The following UNC13C variants were observed in gnomAD, a reference collection of about 807,000 sequenced individuals.
UNC13C encodes unc-13 homolog C.
UNC13C carries 174 observed loss-of-function variants against 245.4 expected under a neutral mutation model. That is an observed-to-expected ratio of 0.71 (90% CI 0.63 to 0.80). The LOEUF (loss-of-function observed/expected upper bound fraction) is 0.80, where lower values mean the gene tolerates loss of function less well. UNC13C is among the 30% of genes least tolerant of loss of function. UNC13C has a pLI of 0.00. For missense variants in UNC13C, 2,829 were observed against 2,602.9 expected, an observed-to-expected ratio of 1.09 and a Z score of -1.89; for synonymous variants, 992 against 895.1, an observed-to-expected ratio of 1.11 and a Z score of -1.93.
intron 15 of UNC13C, among the ~76,000 whole-genome samples, chr15:54,332,313 G>GTGTGTGTA (rs2038460069): frequency 6.7e-6 from 1 of 149,782 alleles, no homozygotes; most frequent in African/African-American, 2.5e-5. Context: ...CTCTGTGTGT[G>GTGTGTGTA]TGTGTGTGTG....
chr15:54,378,347 G>T (rs1367184662), intron 17 of UNC13C, among the ~76,000 whole-genome samples: 1 of 152,046 alleles, frequency 6.6e-6, no homozygotes, highest in Non-Finnish European at 1.5e-5. Flanking sequence ...ATAAATGCTA[G>T]CCAGATATGA....
intron 2 of UNC13C, among the ~76,000 whole-genome samples, chr15:54,056,963 C>T (rs1236808219): frequency 6.6e-6 from 1 of 152,148 alleles, no homozygotes; most frequent in Non-Finnish European, 1.5e-5. Context: ...GAAGGAAGCA[C>T]TAAATATAGA....
chr15:54,112,267 T>C (rs944242639), intron 2 of UNC13C, among the ~76,000 whole-genome samples: 1 of 152,124 alleles, frequency 6.6e-6, no homozygotes, highest in Non-Finnish European at 1.5e-5. Context: ...AGGTTTAATA[T>C]GCAAAGAAAG....
chr15:54,363,951 A>G (rs2039296780), intron 17 of UNC13C, among the ~76,000 whole-genome samples: 1 of 152,216 alleles, frequency 6.6e-6, no homozygotes, highest in African/African-American at 2.4e-5. Flanking sequence ...AAAAAGCCCA[A>G]CAAGTGTCAT....
chr15:54,113,676 A>T (rs982890520), intron 2 of UNC13C, among the ~76,000 whole-genome samples: 1 of 152,030 alleles, frequency 6.6e-6, no homozygotes, highest in Non-Finnish European at 1.5e-5. Context: ...AATACGAAAA[A>T]TTAGCTGGGC....
intron 8 of UNC13C, among the ~76,000 whole-genome samples, chr15:54,250,852 G>T (rs1235166729): frequency 6.8e-6 from 1 of 146,314 alleles, no homozygotes; most frequent in East Asian, 2.1e-4. Flanking sequence ...TGCCTCCTGG[G>T]TTCACGCCAT....
intron 4 of UNC13C, among the ~76,000 whole-genome samples, chr15:54,202,203 A>G (rs899988293): frequency 6.6e-6 from 1 of 152,088 alleles, no homozygotes; most frequent in Non-Finnish European, 1.5e-5. Flanking sequence ...TCTCATGCTC[A>G]TAGATGGATA....
At chr15:54,135,335 C>T (rs2031674604) in intron 2 of UNC13C, among the ~76,000 whole-genome samples, 1 of 152,078 alleles carries the variant, frequency 6.6e-6, no homozygotes, top group Admixed American at 6.6e-5. Flanking sequence ...ATTTTGTTGC[C>T]TGCATTTCCA....
At chr15:54,051,423 T>C (rs1294060315) in intron 2 of UNC13C, among the ~76,000 whole-genome samples, 1 of 152,028 alleles carries the variant, frequency 6.6e-6, no homozygotes, top group Non-Finnish European at 1.5e-5. Flanking sequence ...AAACTTCTAT[T>C]TGTATTTGGG....
chr15:54,056,706 G>A (rs968903311), intron 2 of UNC13C, among the ~76,000 whole-genome samples: 3 of 152,172 alleles, frequency 2.0e-5, no homozygotes, highest in Non-Finnish European at 4.4e-5. Flanking sequence ...AGGGCAGCCA[G>A]AGAGAAAGGT....
At chr15:54,258,257 T>C (rs1386937375) in intron 8 of UNC13C, among the ~76,000 whole-genome samples, 2 of 152,190 alleles carry the variant, frequency 1.3e-5, no homozygotes, top group African/African-American at 4.8e-5. Flanking sequence ...CAAATAGATA[T>C]AGAGCATCCA....
At chr15:53,943,194 C>G in the UNC13C span, among the ~76,000 whole-genome samples, 3 of 152,172 alleles carry the variant, frequency 2.0e-5, no homozygotes, top group African/African-American at 7.2e-5. Flanking sequence ...CCTTTCCTCA[C>G]TGATTGGCAG....
intron 17 of UNC13C, among the ~76,000 whole-genome samples, chr15:54,373,999 G>A (rs1190901271): frequency 6.6e-6 from 1 of 152,068 alleles, no homozygotes; most frequent in African/African-American, 2.4e-5. Context: ...ACCCAGAGTG[G>A]GTAGCTCCTA....
chr15:54,498,521 C>G (rs1211878312), intron 20 of UNC13C, among the ~76,000 whole-genome samples: 1 of 151,872 alleles, frequency 6.6e-6, no homozygotes, highest in Non-Finnish European at 1.5e-5. Flanking sequence ...TAGAATGCAG[C>G]TAAAACAGGA....
At chr15:54,410,481 C>G (rs939217946) in intron 18 of UNC13C, among the ~76,000 whole-genome samples, 6 of 151,876 alleles carry the variant, frequency 4.0e-5, no homozygotes, top group Admixed American at 3.9e-4. Flanking sequence ...AGGTGTTCTT[C>G]TGGGTTCTTA....
At chr15:54,060,193 G>A (rs530752636) in intron 2 of UNC13C, among the ~76,000 whole-genome samples, 1 of 152,162 alleles carries the variant, frequency 6.6e-6, no homozygotes, top group East Asian at 1.9e-4. Flanking sequence ...CTACAGAATG[G>A]GAGAGAATTT....
At chr15:54,073,281 T>C (rs749489530) in intron 2 of UNC13C, among the ~76,000 whole-genome samples, 8 of 152,208 alleles carry the variant, frequency 5.3e-5, no homozygotes, top group South Asian at 2.1e-4. Flanking sequence ...TAGTTTATCA[T>C]TGATGGGCAT....
the UNC13C span, among the ~76,000 whole-genome samples, chr15:53,860,758 G>C: frequency 6.6e-6 from 1 of 152,030 alleles, no homozygotes; most frequent in Non-Finnish European, 1.5e-5. Flanking sequence ...GTCTTACATT[G>C]TCTTCCAGAG....
intron 15 of UNC13C, among the ~76,000 whole-genome samples, chr15:54,332,353 G>A (rs1226239091): frequency 6.7e-6 from 1 of 148,524 alleles, no homozygotes; most frequent in Non-Finnish European, 1.5e-5. Context: ...GTATGCACTT[G>A]CAGCTTTAAT....
Sources: allele counts gnomAD v4.1 joint callset (sites outside exome capture counted in the v4.1 genomes callset), GRCh38; gene constraint gnomAD v4.1.1; transcripts MANE v1.5; gene names NCBI Gene and HGNC (gene_info 2026-07-23, HGNC 2026-07-21).